Variants in SEZ6L observed in about 807,000 individuals in gnomAD.
The protein encoded by SEZ6L is seizure 6-like protein.
In SEZ6L, 37 loss-of-function variants were observed where a neutral mutation model predicts 106.2. The observed-to-expected ratio is 0.35, with a 90% CI of 0.27 to 0.46. SEZ6L has a LOEUF of 0.46. Among genes scored for constraint, SEZ6L ranks in the 20% least tolerant of loss-of-function variants. SEZ6L has a pLI of 1.00. For synonymous variants in SEZ6L, 541 were observed against 570.4 expected, an observed-to-expected ratio of 0.95 and a Z score of 0.73; for missense variants, 1,172 against 1,332.8, an observed-to-expected ratio of 0.88 and a Z score of 1.88.
chr22:26,345,445 A>T lies in SEZ6L; in HGVS notation c.2213-2274A>T, dbSNP rs181794494. Among the ~76,000 whole-genome samples the T allele has an allele frequency of 3.0e-3, 452 of 152,288 alleles. 3 individuals carry two copies. The highest frequency in any genetic ancestry group is 5.2e-3 in the Non-Finnish European group (357 of 68,008). ...AGCAAACCTTTCTCCGTCTCAAAGC[A>T]TTTGGCTCAAGGCAGACCACATTTC... On this transcript the variant is annotated intron_variant, in intron 10 of 16. Transcript: ENST00000248933.
At chr22:26,367,368 G>C (rs1046686417) in intron 13 of SEZ6L, among the ~76,000 whole-genome samples, 2 of 152,110 alleles carry the variant, frequency 1.3e-5, no homozygotes, top group Non-Finnish European at 2.9e-5. Flanking sequence ...TTTGGAGACA[G>C]GGTCTTACTC....
Position 26,311,840 on chromosome 22 carries a change from A to G in SEZ6L, c.1754A>G (p.Asn585Ser). 1 of 1,614,124 alleles carries G rather than the reference A, an allele frequency of 6.2e-7. No homozygotes were observed. The highest frequency in any genetic ancestry group is 8.5e-7 in the Non-Finnish European group (1 of 1,180,008). ...GNFTTSDPTYNIGTIVEFTCD... is the reference protein window; with the variant it reads ...GNFTTSDPTYSIGTIVEFTCD... ...TTCACTACATCCGACCCGACCTATA[A>G]CATTGGGACTATAGTGGAGTTCACC... is the stretch of plus-strand genomic sequence containing the variant. The change falls in exon 8 of 17, where the codon AAC becomes AGC. Residue 585 changes from asparagine (N) to serine (S), a missense_variant. By Grantham distance (46) the Asn-to-Ser change is conservative. Around this residue, in one of 4 missense-constraint regions of SEZ6L, gnomAD observed 534 missense variants for 691.0 expected, o/e 0.77. Coordinates refer to ENST00000248933, the MANE Select transcript of SEZ6L (RefSeq NM_021115.5).
At chr22:26,242,714 T>C (rs2079180238) in intron 1 of SEZ6L, 1 of 152,218 alleles carries the variant, frequency 6.6e-6, no homozygotes, top group Non-Finnish European at 1.5e-5. Flanking sequence ...ACATAGTGGT[T>C]CTTGATGAAG....
chr22:26,286,389 G>A (rs538442266), intron 1 of SEZ6L, among the ~76,000 whole-genome samples: 4 of 152,154 alleles, frequency 2.6e-5, no homozygotes, highest in African/African-American at 7.2e-5. Context: ...AGTCTTTTAC[G>A]TACTTATTAT....
chr22:26,267,640 A>G (rs76938632), intron 1 of SEZ6L, among the ~76,000 whole-genome samples: 13,791 of 152,314 alleles, frequency 0.091, 768 homozygotes, highest in Middle Eastern at 0.13. Context: ...CAGAGCCTCT[A>G]CCATGAAAGT....
In SEZ6L at chr22:26,381,339, C is replaced by T. The variant is rs1042945780; in HGVS notation, c.*1044C>T. On this transcript the variant is annotated 3_prime_UTR_variant, in exon 17 of 17. Coordinates refer to ENST00000248933, the MANE Select transcript of SEZ6L (RefSeq NM_021115.5). ...GAGGAGACTCAAGTGCACTGATTCT[C>T]TAAAAGGTGTCATCTTCAGAATATA... 3 of 152,156 alleles carry T rather than the reference C, an allele frequency of 2.0e-5. No homozygotes were observed. Among genetic ancestry groups the T allele is most frequent in the African/African-American group, 7.2e-5 (3 of 41,422 alleles). The allele number at this position is 152,156 out of a possible 1,614,324, so 9.4% of individuals were successfully genotyped here. A position where few individuals can be genotyped will look rare whatever the true frequency, so the allele number is the denominator to read the frequency against.
At chr22:26,296,207 T>G (rs1167555191) in intron 3 of SEZ6L, among the ~76,000 whole-genome samples, 3 of 151,996 alleles carry the variant, frequency 2.0e-5, no homozygotes. Flanking sequence ...TCCCACAGAG[T>G]GTAAATGGCA....
chr22:26,274,137 A>G (rs1011065140), intron 1 of SEZ6L, among the ~76,000 whole-genome samples: 1 of 152,214 alleles, frequency 6.6e-6, no homozygotes, highest in African/African-American at 2.4e-5. Context: ...TCTATAATCT[A>G]TATTGCTTTG....
chr22:26,379,209 A>G (rs761566123), intron 16 of SEZ6L, among the ~76,000 whole-genome samples: 3 of 152,184 alleles, frequency 2.0e-5, no homozygotes, highest in Non-Finnish European at 4.4e-5. Context: ...GGGCCTCTCT[A>G]TAGAGCAGCT....
chr22:26,244,051 T>C (rs1263678870), intron 1 of SEZ6L, among the ~76,000 whole-genome samples: 2 of 151,966 alleles, frequency 1.3e-5, no homozygotes, highest in Admixed American at 6.6e-5. Flanking sequence ...TAGTCCCAGC[T>C]ACTTAGGGGG....
At chr22:26,369,346 G>GT (rs112358000) in intron 13 of SEZ6L, among the ~76,000 whole-genome samples, 9,363 of 91,546 alleles carry the variant, frequency 0.1, 1,788 homozygotes, top group African/African-American at 0.34. Flanking sequence ...CAGTTCTTTT[G>GT]TTTTTTTTTT....
At chr22:26,365,865 T>C (rs1438530145) in intron 13 of SEZ6L, among the ~76,000 whole-genome samples, 2 of 151,926 alleles carry the variant, frequency 1.3e-5, no homozygotes, top group Admixed American at 1.3e-4. Flanking sequence ...AACGAGACTC[T>C]ATCTCAAAAA....
chr22:26,259,101 A>G (rs5752298), intron 1 of SEZ6L, among the ~76,000 whole-genome samples: 57,574 of 152,084 alleles, frequency 0.38, 12,042 homozygotes, highest in African/African-American at 0.56. Context: ...TACAGAGGGA[A>G]CAGAAATGGG....
At chr22:26,316,849 AAG>A (rs1231544407) in intron 9 of SEZ6L, among the ~76,000 whole-genome samples, 3 of 150,948 alleles carry the variant, frequency 2.0e-5, no homozygotes, top group African/African-American at 7.3e-5. Flanking sequence ...AAAGAAAAGA[AAG>A]AGAGAGAGAG....
At chr22:26,230,477 C>T (rs1021135649) in intron 1 of SEZ6L, among the ~76,000 whole-genome samples, 1 of 152,212 alleles carries the variant, frequency 6.6e-6, no homozygotes, top group Non-Finnish European at 1.5e-5. Flanking sequence ...GCTAGGATAA[C>T]AGCCATGAGC....
At chr22:26,231,757 G>C (rs75530436) in intron 1 of SEZ6L, among the ~76,000 whole-genome samples, 1 of 152,210 alleles carries the variant, frequency 6.6e-6, no homozygotes, top group African/African-American at 2.4e-5. Flanking sequence ...AGCATTCTGC[G>C]TTTCCTTGCC....
intron 16 of SEZ6L, among the ~76,000 whole-genome samples, chr22:26,379,570 A>C (rs561675420): frequency 6.6e-6 from 1 of 152,250 alleles, no homozygotes; most frequent in South Asian, 2.1e-4. Flanking sequence ...GCCTTCTTCT[A>C]TCTCCTTGCT....
chr22:26,221,742 A>ACG (rs1432943894), intron 1 of SEZ6L, among the ~76,000 whole-genome samples: 2 of 97,500 alleles, frequency 2.1e-5, no homozygotes, highest in Admixed American at 1.2e-4. Flanking sequence ...ACACGCGTGC[A>ACG]CACACACACA....
rs187719930 is a variant in SEZ6L, at chr22:26,302,417, T to C, written c.1348+3248T>C. Among the ~76,000 whole-genome samples, 4 of 152,276 alleles carry C rather than the reference T, an allele frequency of 2.6e-5. No homozygotes were observed. In the East Asian group the frequency reaches 7.7e-4, roughly 29 times the overall value. ...CAAGAGAGCAAAACCCTTTTAGAAT[T>C]CTCAAAAGTCCTGATGGTGGTTGAG... On this transcript the variant is annotated intron_variant, in intron 5 of 16. Transcript: ENST00000248933.
Sources: allele counts gnomAD v4.1 joint callset (sites outside exome capture counted in the v4.1 genomes callset), GRCh38; gene constraint gnomAD v4.1.1; regional missense constraint gnomAD v4.1.1; transcripts MANE v1.5; gene names NCBI Gene and HGNC (gene_info 2026-07-23, HGNC 2026-07-21).